Variants in SH3KBP1 observed in about 807,000 individuals in gnomAD.
SH3KBP1 encodes the protein SH3 domain-containing kinase-binding protein 1.
A neutral mutation model predicts 50.1 loss-of-function variants in SH3KBP1; 8 were observed. That is an observed-to-expected ratio of 0.16 (90% CI 0.09 to 0.29). SH3KBP1 has a LOEUF of 0.29. SH3KBP1 is among the 10% of genes least tolerant of loss of function. The pLI, the probability that SH3KBP1 is intolerant of heterozygous loss-of-function variation, is 1.00. For missense variants in SH3KBP1, 377 were observed against 535.2 expected (o/e 0.70, Z 2.92); for synonymous variants, 227 against 218.6 (o/e 1.04, Z -0.34).
At chrX:19,828,300 G>A (rs2067751270) in intron 2 of SH3KBP1, among the ~76,000 whole-genome samples, 1 of 108,800 alleles carries the variant, frequency 9.2e-6, no homozygotes. Context: ...TATCCTCACT[G>A]AGCTTGTTTT....
At chrX:19,579,326 C>T (rs930012082) in intron 12 of SH3KBP1, among the ~76,000 whole-genome samples, 14 of 111,753 alleles carry the variant, frequency 1.3e-4, no homozygotes, top group African/African-American at 4.2e-4. Flanking sequence ...CATCCATAGA[C>T]GTCGCCTGCA....
rs776081339 is a variant in SH3KBP1 at position 19,664,089 on chromosome X, CTCAA to C, written c.727-18618_727-18615del. 2.5e-4 allele frequency among the ~76,000 whole-genome samples: 28 copies of C among 111,479 alleles called. No homozygotes were observed. The East Asian group carries it at 5.4e-3, about 21-fold the overall frequency. Reference sequence around the variant, plus strand: ...CCTGGGCAACAAAGCAAGACCCTCTCTCAATCAATCAATCAATGGGACGCCTCTT... The same window carrying C: ...CCTGGGCAACAAAGCAAGACCCTCTCTCAATCAATCAATGGGACGCCTCTT... On this transcript the variant is annotated intron_variant, in intron 6 of 17. Transcript: ENST00000397821.
chrX:19,729,529 T>C (rs1325372073), intron 3 of SH3KBP1, among the ~76,000 whole-genome samples: 2 of 112,477 alleles, frequency 1.8e-5, no homozygotes, highest in Non-Finnish European at 3.8e-5. Flanking sequence ...TCACATCCTA[T>C]ATAAGCCTTT....
intron 6 of SH3KBP1, among the ~76,000 whole-genome samples, chrX:19,666,693 A>C (rs756382592): frequency 8.9e-6 from 1 of 111,906 alleles, no homozygotes; most frequent in South Asian, 3.7e-4. Flanking sequence ...GCAAACAGAA[A>C]ATAACAAGTG....
At position 19,695,114 on chromosome X, in the gene SH3KBP1, C is replaced by A. The variant is rs376757408; in HGVS notation, c.520+498G>T. 164 of 988,529 alleles carry A rather than the reference C, an allele frequency of 1.7e-4. No individual in the cohort carries two copies. In the African/African-American group the frequency reaches 2.3e-3, roughly 14 times the overall value. The allele number at this position is 988,529 out of a possible 1,213,427, so 81.5% of individuals were successfully genotyped here. A position where few individuals can be genotyped will look rare whatever the true frequency, so the allele number is the denominator to read the frequency against. On this transcript the variant is annotated intron_variant, in intron 5 of 17. Coordinates refer to ENST00000397821, the MANE Select transcript of SH3KBP1 (RefSeq NM_031892.3). ...GTAGAAGGACACACATGCTCACCAC[C>A]CAAGGTGGGACCTGGACTCTCAGTT...
At chrX:19,815,080 G>A (rs927454268) in intron 2 of SH3KBP1, among the ~76,000 whole-genome samples, 5 of 111,966 alleles carry the variant, frequency 4.5e-5, no homozygotes, top group East Asian at 5.6e-4. Flanking sequence ...ACAAAGAGCT[G>A]GAGAACTGCA....
chrX:19,801,668 G>T (rs935305592), intron 2 of SH3KBP1, among the ~76,000 whole-genome samples: 2 of 111,902 alleles, frequency 1.8e-5, no homozygotes, highest in African/African-American at 6.5e-5. Flanking sequence ...AAATGTTCAA[G>T]AATTAGATTG....
intron 6 of SH3KBP1, among the ~76,000 whole-genome samples, chrX:19,665,510 G>A (rs1001589969): frequency 1.8e-5 from 2 of 111,761 alleles, no homozygotes; most frequent in African/African-American, 3.3e-5. Flanking sequence ...TTTATAGCCC[G>A]GGTTTAGAGA....
At chrX:19,695,178 C>A in intron 5 of SH3KBP1, 1 of 499,272 alleles carries the variant, frequency 2.0e-6, no homozygotes, top group Non-Finnish European at 3.3e-6. Context: ...ATGCACTCAT[C>A]TTGTCATAGC....
At chrX:19,551,785 A>C (rs2065249632) in intron 13 of SH3KBP1, among the ~76,000 whole-genome samples, 1 of 109,131 alleles carries the variant, frequency 9.2e-6, no homozygotes, top group Non-Finnish European at 1.9e-5. Flanking sequence ...CTACCCTGGG[A>C]CTCTCCTCTA....
intron 9 of SH3KBP1, among the ~76,000 whole-genome samples, chrX:19,601,135 G>A (rs374642228): frequency 1.8e-5 from 2 of 111,996 alleles, no homozygotes; most frequent in African/African-American, 3.2e-5. Context: ...GTGCACATGC[G>A]TCTGTGTCTG....
intron 1 of SH3KBP1, among the ~76,000 whole-genome samples, chrX:19,885,835 T>C (rs2069569500): frequency 9.0e-6 from 1 of 111,288 alleles, no homozygotes; most frequent in Non-Finnish European, 1.9e-5. Context: ...GAGCTAAGTG[T>C]TCTGTCCCCA....
At chrX:19,797,247 C>G (rs1490157069) in intron 2 of SH3KBP1, among the ~76,000 whole-genome samples, 1 of 111,593 alleles carries the variant, frequency 9.0e-6, no homozygotes, top group Non-Finnish European at 1.9e-5. Context: ...GGAGGCTGGC[C>G]CTTGAGACAA....
At chrX:19,790,676 G>C (rs1457974681) in intron 2 of SH3KBP1, among the ~76,000 whole-genome samples, 1 of 110,696 alleles carries the variant, frequency 9.0e-6, no homozygotes, top group Non-Finnish European at 1.9e-5. Flanking sequence ...GAGAAGATGG[G>C]GAATGAAGAA....
chrX:19,643,191 G>A (rs762177093), intron 7 of SH3KBP1, among the ~76,000 whole-genome samples: 5 of 110,010 alleles, frequency 4.5e-5, no homozygotes, highest in Non-Finnish European at 7.6e-5. Context: ...GCTTTTTAGG[G>A]GGCTTCTTAG....
intron 10 of SH3KBP1, among the ~76,000 whole-genome samples, chrX:19,593,735 A>C (rs941939157): frequency 3.6e-5 from 4 of 112,007 alleles, no homozygotes; most frequent in African/African-American, 1.3e-4. Context: ...TCTTAGCTAC[A>C]TTCTAGACTG....
At chrX:19,621,336 G>A (rs1275698732) in intron 8 of SH3KBP1, among the ~76,000 whole-genome samples, 3 of 105,114 alleles carry the variant, frequency 2.9e-5, no homozygotes, top group Non-Finnish European at 5.8e-5. Flanking sequence ...TGATCCGCCC[G>A]TCTTGGCTTC....
At chrX:19,856,238 T>C (rs1274773905) in intron 1 of SH3KBP1, among the ~76,000 whole-genome samples, 2 of 112,007 alleles carry the variant, frequency 1.8e-5, no homozygotes, top group East Asian at 5.6e-4. Flanking sequence ...GTTTCTGTCA[T>C]ATGCTCCTAG....
At chrX:19,662,014 A>G (rs899383010) in intron 6 of SH3KBP1, among the ~76,000 whole-genome samples, 1 of 111,898 alleles carries the variant, frequency 8.9e-6, no homozygotes, top group African/African-American at 3.2e-5. Flanking sequence ...GTCTTTCCAT[A>G]AGGTCTGATT....
Sources: gnomAD v4.1 joint callset for allele counts (sites outside exome capture counted in the v4.1 genomes callset) on GRCh38, gnomAD v4.1.1 for gene constraint, MANE v1.5 for transcripts, NCBI Gene and HGNC (gene_info 2026-07-23, HGNC 2026-07-21) for gene names.